FREM2: variants seen among roughly 807,000 people sequenced by gnomAD.
FREM2 encodes the protein FRAS1 related extracellular matrix 2.
A neutral mutation model predicts 219.9 loss-of-function variants in FREM2; 119 were observed. The observed-to-expected ratio is 0.54, with a 90% CI of 0.47 to 0.63. The LOEUF is 0.63. Ranked by LOEUF, FREM2 falls within the 30% of genes least tolerant of loss-of-function variation. The probability of loss-of-function intolerance (pLI) is 0.00; values close to 1 mark genes in which losing one functional copy is unlikely to be tolerated. For missense variants in FREM2, 4,030 were observed against 3,993.6 expected (o/e 1.01, Z -0.25); for synonymous variants, 1,562 against 1,522.8 (o/e 1.03, Z -0.60).
intron 6 of FREM2, among the ~76,000 whole-genome samples, chr13:38,829,607 T>C (rs774032361): frequency 3.5e-4 from 53 of 151,232 alleles, no homozygotes; most frequent in Non-Finnish European, 5.2e-4. Flanking sequence ...TAGTGTAGTA[T>C]GGAAATGGAG....
At chr13:38,815,404 G>A (rs999392987) in intron 6 of FREM2, among the ~76,000 whole-genome samples, 2 of 152,038 alleles carry the variant, frequency 1.3e-5, no homozygotes, top group African/African-American at 4.8e-5. Flanking sequence ...AAATTCAGAA[G>A]ATCAACAAAA....
chr13:38,764,214 A>T, intron 2 of FREM2, 90 bp from the exon 3 acceptor site: 1 of 902,060 alleles, frequency 1.1e-6, no homozygotes, highest in Non-Finnish European at 1.9e-6. Context: ...ATTGATTGTT[A>T]ATGTTGTTTC....
At chr13:38,728,185 A>G (rs899911103) in intron 2 of FREM2, among the ~76,000 whole-genome samples, 2 of 152,034 alleles carry the variant, frequency 1.3e-5, no homozygotes, top group Admixed American at 6.6e-5. Context: ...AGTATTTTGT[A>G]TTCTTTTTTT....
intron 2 of FREM2, among the ~76,000 whole-genome samples, chr13:38,734,904 G>A (rs1329477790): frequency 2.0e-5 from 3 of 151,770 alleles, no homozygotes; most frequent in South Asian, 4.2e-4. Flanking sequence ...GCACCACCAC[G>A]CCTGGCTAAC....
chr13:38,859,675 A>G (rs1877694882), intron 14 of FREM2, 85 bp downstream of exon 14: 2 of 1,208,948 alleles, frequency 1.7e-6, no homozygotes, highest in South Asian at 1.3e-5. Context: ...TAATACTTCC[A>G]ATGTCCCACA....
At position 38,689,661 on chromosome 13, in the gene FREM2, C is replaced by T. The variant is rs202242903; in HGVS notation, c.2317C>T (p.His773Tyr). 61 of 1,613,952 alleles carry T rather than the reference C, an allele frequency of 3.8e-5. No individual in the cohort carries two copies. The highest frequency in any genetic ancestry group is 4.9e-5 in the Non-Finnish European group (58 of 1,180,016). The change falls in exon 1 of 24, where the codon CAT becomes TAT. Residue 773 changes from histidine to tyrosine, a missense_variant. By Grantham distance (83) the His-to-Tyr change is moderately conservative. Transcript: ENST00000280481. ...LTDNPSVVVTHFTQAQINHHK... is the reference protein window; with the variant it reads ...LTDNPSVVVTYFTQAQINHHK... The stretch of plus-strand genomic sequence containing the variant: ...TGACAACCCCTCAGTCGTGGTGACC[C>T]ATTTTACCCAAGCCCAGATCAACCA...
At chr13:38,826,346 CT>C (rs753551318) in intron 6 of FREM2, among the ~76,000 whole-genome samples, 4 of 152,082 alleles carry the variant, frequency 2.6e-5, no homozygotes, top group Non-Finnish European at 5.9e-5. Flanking sequence ...TCGTAAGTGA[CT>C]GAGAGGGGGA....
intron 2 of FREM2, among the ~76,000 whole-genome samples, chr13:38,763,252 A>G (rs1873302125): frequency 6.6e-6 from 1 of 152,178 alleles, no homozygotes; most frequent in South Asian, 2.1e-4. Context: ...TTGATAGCTC[A>G]AAGTTGCTGC....
At chr13:38,839,143 T>C (rs376416648) in intron 6 of FREM2, among the ~76,000 whole-genome samples, 10 of 152,206 alleles carry the variant, frequency 6.6e-5, no homozygotes, top group East Asian at 3.9e-4. Context: ...ATGGAGTTTT[T>C]GTGTGGTCGT....
intron 2 of FREM2, among the ~76,000 whole-genome samples, chr13:38,744,169 CTG>C (rs991894703): frequency 1.4e-5 from 2 of 144,034 alleles, no homozygotes; most frequent in African/African-American, 5.2e-5. Flanking sequence ...CTAAAATACT[CTG>C]TTGTTATTAC....
At chr13:38,792,801 C>T (rs1055414526) in intron 6 of FREM2, among the ~76,000 whole-genome samples, 9 of 151,858 alleles carry the variant, frequency 5.9e-5, no homozygotes, top group African/African-American at 2.2e-4. Context: ...ATTTTCATTG[C>T]AGTACTGTAA....
At chr13:38,870,218 C>A (rs1878111757) in intron 16 of FREM2, among the ~76,000 whole-genome samples, 1 of 152,126 alleles carries the variant, frequency 6.6e-6, no homozygotes, top group African/African-American at 2.4e-5. Flanking sequence ...ATACTTTGTA[C>A]ACTGATACTC....
rs1345455174 is a variant in FREM2 at position 38,688,141 on chromosome 13, A to G, written c.797A>G (p.Tyr266Cys). 3.7e-6 allele frequency: 6 copies of G among 1,613,404 alleles called. No individual in the cohort carries two copies. The highest frequency in any genetic ancestry group is 5.1e-6 in the Non-Finnish European group (6 of 1,179,856). Residue 266 changes from tyrosine (Y) to cysteine (C), a missense_variant, in exon 1 of 24, where the codon TAT becomes TGT. Tyr to Cys is a radical substitution (Grantham distance 194, BLOSUM62 -2). This residue lies in a region of FREM2 where 3,102 missense variants were observed against 2,950.7 expected (regional missense o/e 1.05). Coordinates refer to ENST00000280481, the MANE Select transcript of FREM2 (RefSeq NM_207361.6). ...GCTTTCCAGGAACTAGGCGTGCGCTATCGCCACACAGCCGCCAGTCGCTCA... is the reference window on the plus strand; with the variant it reads ...GCTTTCCAGGAACTAGGCGTGCGCTGTCGCCACACAGCCGCCAGTCGCTCA... Reference protein sequence around the residue: ...CKAFQELGVRYRHTAASRSPN... With the variant: ...CKAFQELGVRCRHTAASRSPN...
intron 2 of FREM2, among the ~76,000 whole-genome samples, chr13:38,758,719 T>G (rs1333004762): frequency 6.6e-6 from 1 of 152,232 alleles, no homozygotes; most frequent in East Asian, 1.9e-4. Context: ...AAGGTAATCC[T>G]ATCACGGAAA....
intron 4 of FREM2, among the ~76,000 whole-genome samples, chr13:38,772,717 A>G (rs1373532192): frequency 1.4e-5 from 2 of 147,174 alleles, no homozygotes; most frequent in South Asian, 2.1e-4. Context: ...TTTTTTTTAG[A>G]CGGAGTTTCG....
intron 3 of FREM2, among the ~76,000 whole-genome samples, chr13:38,765,756 A>G (rs1290690480): frequency 1.3e-5 from 2 of 152,064 alleles, no homozygotes; most frequent in East Asian, 3.9e-4. Context: ...TTTTCACACG[A>G]CACTTTCCCT....
rs1307852097 is a variant in FREM2, at chr13:38,884,929, C to A, written c.*4142C>A. ...TGAAAACATACTCTCATGGGAGCTT[C>A]TTTAACATTAGTTCAGAGGTTAATA... is the stretch of plus-strand genomic sequence containing the variant. On this transcript the variant is annotated 3_prime_UTR_variant, in exon 24 of 24. Coordinates refer to ENST00000280481, the MANE Select transcript of FREM2 (RefSeq NM_207361.6). The A allele has an allele frequency of 6.6e-6, 1 of 152,142 alleles. No individual in the cohort carries two copies. The highest frequency in any genetic ancestry group is 6.5e-5 in the Admixed American group (1 of 15,268). 9.4% of individuals were successfully genotyped at this position (152,142 alleles called of 1,614,324 possible). A position where few individuals can be genotyped will look rare whatever the true frequency, so the allele number is the denominator to read the frequency against.
At chr13:38,749,500 C>T (rs538146729) in intron 2 of FREM2, among the ~76,000 whole-genome samples, 105 of 152,272 alleles carry the variant, frequency 6.9e-4, no homozygotes, top group African/African-American at 2.5e-3. Context: ...GTTGATATAT[C>T]ACAATATAAC....
At chr13:38,743,250 G>A in intron 2 of FREM2, among the ~76,000 whole-genome samples, 1 of 151,816 alleles carries the variant, frequency 6.6e-6, no homozygotes, top group Admixed American at 6.6e-5. Context: ...TTCTCATTCT[G>A]TATAGTACAT....
Sources: allele counts gnomAD v4.1 joint callset (sites outside exome capture counted in the v4.1 genomes callset), GRCh38; gene constraint gnomAD v4.1.1; regional missense constraint gnomAD v4.1.1; transcripts MANE v1.5; gene names NCBI Gene and HGNC (gene_info 2026-07-23, HGNC 2026-07-21).